The following SIRPG variants were observed in gnomAD, a reference collection of about 807,000 sequenced individuals.
SIRPG encodes the protein signal regulatory protein gamma.
A neutral mutation model predicts 35.7 loss-of-function variants in SIRPG; 38 were observed. The observed-to-expected ratio is 1.06, with a 90% CI of 0.82 to 1.40. The LOEUF is 1.40. SIRPG is among the 40% of genes most tolerant of loss of function. SIRPG has a pLI of 0.00. For synonymous variants in SIRPG, 215 were observed against 190.4 expected, an observed-to-expected ratio of 1.13 and a Z score of -1.06; for missense variants, 519 against 483.0, an observed-to-expected ratio of 1.07 and a Z score of -0.70.
At chr20:1,635,733 A>G in intron 3 of SIRPG, 134 bp from the exon 4 acceptor site, 1 of 916,064 alleles carries the variant, frequency 1.1e-6, no homozygotes, top group African/African-American at 1.7e-5. Context: ...ATGCTAAGAC[A>G]TTGAGGGCGC....
At chr20:1,685,727 CA>C in the SIRPG span, among the ~76,000 whole-genome samples, 1 of 152,092 alleles carries the variant, frequency 6.6e-6, no homozygotes, top group Non-Finnish European at 1.5e-5. Context: ...GAGTGGGAAG[CA>C]GGGGGAACAG....
intron 1 of SIRPG, among the ~76,000 whole-genome samples, chr20:1,654,760 G>C (rs192836039): frequency 1.3e-5 from 2 of 152,266 alleles, no homozygotes; most frequent in South Asian, 2.1e-4. Flanking sequence ...CTATAGAATG[G>C]AAGAAAACAT....
At chr20:1,670,824 G>A in the SIRPG span, 1 of 183,916 alleles carries the variant, frequency 5.4e-6, no homozygotes, top group South Asian at 1.0e-4. Context: ...AGCCAGAGAG[G>A]AGGAGCAGGC....
intron 2 of SIRPG, among the ~76,000 whole-genome samples, chr20:1,643,400 C>T (rs1240526601): frequency 1.3e-5 from 2 of 152,114 alleles, no homozygotes; most frequent in Non-Finnish European, 2.9e-5. Context: ...AGTTCTTGTG[C>T]TACGTTTTTT....
At chr20:1,648,581 G>T (rs529551838) in intron 2 of SIRPG, 1 of 152,280 alleles carries the variant, frequency 6.6e-6, no homozygotes, top group South Asian at 2.1e-4. Flanking sequence ...CATCCAGGGC[G>T]GAGTCTGGCA....
chr20:1,648,201 A>C (rs1451135106), intron 2 of SIRPG: 1 of 152,206 alleles, frequency 6.6e-6, no homozygotes, highest in Non-Finnish European at 1.5e-5. Context: ...GCTGCTTTAA[A>C]TTGGGCACCC....
chr20:1,676,151 T>C, the SIRPG span, among the ~76,000 whole-genome samples: 1 of 152,206 alleles, frequency 6.6e-6, no homozygotes, highest in Non-Finnish European at 1.5e-5. Flanking sequence ...CTGTAATAAC[T>C]GCAAAATCAG....
the SIRPG span, among the ~76,000 whole-genome samples, chr20:1,672,541 G>C: frequency 2.0e-5 from 3 of 152,258 alleles, no homozygotes; most frequent in East Asian, 5.8e-4. Context: ...AGTAACCAAT[G>C]AAAACAGGTT....
intron 2 of SIRPG, among the ~76,000 whole-genome samples, chr20:1,643,624 T>C (rs1023296125): frequency 1.9e-4 from 29 of 152,320 alleles, no homozygotes; most frequent in Admixed American, 1.7e-3. Flanking sequence ...TGGAGACTCA[T>C]TGCGATCATT....
chr20:1,643,284 T>A (rs1008203102), intron 2 of SIRPG, among the ~76,000 whole-genome samples: 7 of 152,172 alleles, frequency 4.6e-5, no homozygotes, highest in African/African-American at 1.2e-4. Flanking sequence ...ATTCTTTTTT[T>A]AAAATCTTGT....
intron 2 of SIRPG, among the ~76,000 whole-genome samples, chr20:1,642,859 T>A (rs1470464219): frequency 1.3e-5 from 2 of 152,222 alleles, no homozygotes; most frequent in Non-Finnish European, 2.9e-5. Flanking sequence ...AAATTCTGGG[T>A]TGAAAATTCT....
chr20:1,650,347 A>G (rs1428126952), intron 1 of SIRPG, among the ~76,000 whole-genome samples: 3 of 152,168 alleles, frequency 2.0e-5, no homozygotes, highest in Non-Finnish European at 1.5e-5. Flanking sequence ...AAAAATGGAC[A>G]AAGTACTAAA....
At chr20:1,683,774 C>T in the SIRPG span, among the ~76,000 whole-genome samples, 5 of 152,074 alleles carry the variant, frequency 3.3e-5, no homozygotes, top group Non-Finnish European at 5.9e-5. Flanking sequence ...TTGAGACCAG[C>T]CTGGCCAACA....
chr20:1,671,153 T>C, the SIRPG span: 1 of 385,576 alleles, frequency 2.6e-6, no homozygotes, highest in Non-Finnish European at 5.3e-6. Flanking sequence ...TGCTCAGCTG[T>C]GGTCCTCACT....
the SIRPG span, among the ~76,000 whole-genome samples, chr20:1,680,413 C>T: frequency 6.6e-6 from 1 of 152,316 alleles, no homozygotes; most frequent in African/African-American, 2.4e-5. Flanking sequence ...GTCCCACATC[C>T]AGGCTTTGCT....
chr20:1,663,244 C>G, the SIRPG span, among the ~76,000 whole-genome samples: 3 of 152,090 alleles, frequency 2.0e-5, no homozygotes, highest in Non-Finnish European at 2.9e-5. Flanking sequence ...ACCTGGGAGG[C>G]AGAGCTTGCA....
At chr20:1,633,153 G>T (rs2122413379) in intron 4 of SIRPG, among the ~76,000 whole-genome samples, 1 of 152,076 alleles carries the variant, frequency 6.6e-6, no homozygotes, top group East Asian at 1.9e-4. Flanking sequence ...AGATAAAATG[G>T]ACACAAAATT....
At chr20:1,659,996 A>G (rs998189405), upstream of SIRPG, among the ~76,000 whole-genome samples, 4 of 152,250 alleles carry the variant, frequency 2.6e-5, no homozygotes, top group Admixed American at 2.6e-4. Flanking sequence ...TAGCAATCAA[A>G]AGAACTTCAC....
chr20:1,657,771 C>A lies in SIRPG; in HGVS notation c.-57G>T. On this transcript the variant is annotated 5_prime_UTR_variant, in exon 1 of 6. Transcript: ENST00000303415. ...ACGTCTGTTCTGGGGAGATGTCAGG[C>A]CCTGCTCTGAAGACAGAAGACAAGC... 6.6e-7 allele frequency: 1 copy of A among 1,526,174 alleles called. No homozygotes were observed. The highest frequency in any genetic ancestry group is 9.0e-7 in the Non-Finnish European group (1 of 1,108,312). 94.5% of individuals were successfully genotyped at this position (1,526,174 alleles called of 1,614,324 possible).
Sources: allele counts gnomAD v4.1 joint callset (sites outside exome capture counted in the v4.1 genomes callset), GRCh38; gene constraint gnomAD v4.1.1; transcripts MANE v1.5; gene names NCBI Gene and HGNC (gene_info 2026-07-23, HGNC 2026-07-21).